Variants in RABEP1 observed in about 807,000 individuals in gnomAD.
RABEP1 encodes the protein rabaptin, RAB GTPase binding effector protein 1.
A neutral mutation model predicts 123.4 loss-of-function variants in RABEP1; 51 were observed. The ratio of observed to expected loss-of-function variants is 0.41; its 90% CI spans 0.33 to 0.52. RABEP1 has a LOEUF of 0.52. Among genes scored for constraint, RABEP1 ranks in the 20% least tolerant of loss-of-function variants. RABEP1 has a pLI of 0.16. For missense variants in RABEP1, 888 were observed against 996.3 expected, an observed-to-expected ratio of 0.89 and a Z score of 1.46; for synonymous variants, 347 against 355.2, an observed-to-expected ratio of 0.98 and a Z score of 0.26.
intron 2 of RABEP1, among the ~76,000 whole-genome samples, chr17:5,329,827 A>G (rs1308595592): frequency 1.9e-5 from 1 of 52,132 alleles, no homozygotes; most frequent in African/African-American, 8.6e-5. Flanking sequence ...TCATATATAT[A>G]TATATATATA....
At chr17:5,377,520 A>ATTTTTTTTTTTTTTTTTTTTTTTTTTT (rs960634048) in intron 14 of RABEP1, among the ~76,000 whole-genome samples, 2 of 99,822 alleles carry the variant, frequency 2.0e-5, no homozygotes, top group Non-Finnish European at 1.9e-5. Flanking sequence ...TATTTAAAAA[A>ATTTTTTTTTTTTTTTTTTTTTTTTTTT]TTTTTTTTTT....
At chr17:5,344,007 C>G (rs1907851031) in intron 5 of RABEP1, among the ~76,000 whole-genome samples, 1 of 151,946 alleles carries the variant, frequency 6.6e-6, no homozygotes, top group Non-Finnish European at 1.5e-5. Flanking sequence ...AAAATATTGA[C>G]TGTGAAAGGA....
At chr17:5,347,632 G>T (rs1908181489) in intron 6 of RABEP1, among the ~76,000 whole-genome samples, 7 of 152,084 alleles carry the variant, frequency 4.6e-5, no homozygotes. Context: ...GGACAATTTT[G>T]ATTTCACTAG....
rs1911929580 is a variant in RABEP1, at chr17:5,386,036, TAAATA to T, written c.*2817_*2821del. ...GAGTTATAAAGCACATTCCAAATTT[TAAATA>T]AAAGCATTTACTCAATTATTATAAA... is the stretch of plus-strand genomic sequence containing the variant. On this transcript the variant is annotated 3_prime_UTR_variant, in exon 18 of 18. Coordinates refer to ENST00000537505, the MANE Select transcript of RABEP1 (RefSeq NM_004703.6). The T allele has an allele frequency of 1.8e-6, 1 of 560,756 alleles. No homozygotes were observed. Among genetic ancestry groups the T allele is most frequent in the South Asian group, 2.7e-5 (1 of 36,432 alleles). 34.7% of individuals were successfully genotyped at this position (560,756 alleles called of 1,614,324 possible). A position where few individuals can be genotyped will look rare whatever the true frequency, so the allele number is the denominator to read the frequency against.
intron 1 of RABEP1, among the ~76,000 whole-genome samples, chr17:5,295,365 G>A (rs567451465): frequency 6.2e-4 from 94 of 150,408 alleles, no homozygotes; most frequent in African/African-American, 2.2e-3. Flanking sequence ...CTCCAGCCTG[G>A]GCAACAGAGG....
intron 2 of RABEP1, among the ~76,000 whole-genome samples, chr17:5,317,099 T>C (rs894280722): frequency 6.6e-6 from 1 of 152,044 alleles, no homozygotes; most frequent in Non-Finnish European, 1.5e-5. Context: ...TCCCCACTTA[T>C]TCTTTGAGGC....
intron 11 of RABEP1, among the ~76,000 whole-genome samples, chr17:5,367,645 C>T (rs769033731): frequency 6.6e-5 from 10 of 151,188 alleles, no homozygotes; most frequent in Admixed American, 2.0e-4. Context: ...CACCTTTCCC[C>T]CATTGCTCTG....
At position 5,361,634 on chromosome 17, in the gene RABEP1, C is replaced by A; in HGVS notation, c.1522C>A (p.Arg508Ser). Residue 508 changes from arginine (R) to serine (S), a missense_variant, in exon 9 of 18, where the codon CGT (arginine) becomes AGT (serine). Transcript: ENST00000537505. ...ESAYVSPSGY[R>S]LVSETEWNLL... Reference sequence around the variant, plus strand: ...TGCCTATGTGTCCCCTAGTGGTTATCGTTTAGTTAGTGAAACAGAATGGAA... The same window carrying A: ...TGCCTATGTGTCCCCTAGTGGTTATAGTTTAGTTAGTGAAACAGAATGGAA... 6.2e-7 allele frequency: 1 copy of A among 1,609,756 alleles called. No individual in the cohort carries two copies. The highest frequency in any genetic ancestry group is 8.5e-7 in the Non-Finnish European group (1 of 1,178,776).
Position 5,377,103 on chromosome 17 carries a change from T to C in RABEP1, c.2026-13T>C, listed in dbSNP as rs1006957756. The C allele has an allele frequency of 1.9e-6, 3 of 1,582,084 alleles. No individual in the cohort carries two copies. In the African/African-American group the frequency reaches 4.1e-5, roughly 22 times the overall value. On this transcript the variant is annotated splice_polypyrimidine_tract_variant and intron_variant, in intron 13 of 17. Coordinates refer to ENST00000537505, the MANE Select transcript of RABEP1 (RefSeq NM_004703.6). ...TCTCACAAACCCAATAATCATTTGT[T>C]TCTTGAATCCAGGCACTGCGGGAGT...
At chr17:5,359,933 C>T (rs185548070) in intron 8 of RABEP1, among the ~76,000 whole-genome samples, 178 of 152,278 alleles carry the variant, frequency 1.2e-3, no homozygotes, top group African/African-American at 3.9e-3. Context: ...TTTTTGCCTT[C>T]AGGAATGTGC....
At position 5,368,167 on chromosome 17, in the gene RABEP1, C is replaced by T. The variant is rs899644992; in HGVS notation, c.1786-203C>T. ...TGTTAATGTATGGCTGCATGTGACTCGGGTTTTGGCACTGCCTTGTGTTAT... is the reference window on the plus strand; with the variant it reads ...TGTTAATGTATGGCTGCATGTGACTTGGGTTTTGGCACTGCCTTGTGTTAT... On this transcript the variant is annotated intron_variant, in intron 11 of 17. Coordinates refer to ENST00000537505, the MANE Select transcript of RABEP1 (RefSeq NM_004703.6). 5.9e-5 allele frequency among the ~76,000 whole-genome samples: 9 copies of T among 152,084 alleles called. No homozygotes were observed. The East Asian group carries it at 7.7e-4, about 13-fold the overall frequency.
At chr17:5,300,758 C>G (rs760789183) in intron 1 of RABEP1, among the ~76,000 whole-genome samples, 2 of 152,146 alleles carry the variant, frequency 1.3e-5, no homozygotes, top group Non-Finnish European at 2.9e-5. Context: ...ATGTTTTGCC[C>G]AAGCTTCTTG....
At chr17:5,380,312 A>G (rs1045429289) in intron 15 of RABEP1, 52 bp from the exon 16 acceptor site, 103 of 1,283,840 alleles carry the variant, frequency 8.0e-5, no homozygotes, top group Middle Eastern at 1.9e-4. Flanking sequence ...TAGGTAGTGC[A>G]CTGGGGCCCA....
At chr17:5,344,762 A>G (rs1907922233) in intron 5 of RABEP1, among the ~76,000 whole-genome samples, 1 of 132,218 alleles carries the variant, frequency 7.6e-6, no homozygotes, top group South Asian at 2.6e-4. Context: ...ACAGAGCAAG[A>G]CACTGTCTCA....
At chr17:5,296,476 G>T (rs1250767669) in intron 1 of RABEP1, among the ~76,000 whole-genome samples, 1 of 152,118 alleles carries the variant, frequency 6.6e-6, no homozygotes, top group Non-Finnish European at 1.5e-5. Context: ...GATGAGGCCG[G>T]TCTCAAACTC....
intron 3 of RABEP1, among the ~76,000 whole-genome samples, chr17:5,332,582 C>T (rs1482683261): frequency 2.0e-5 from 3 of 149,478 alleles, no homozygotes; most frequent in Non-Finnish European, 3.0e-5. Context: ...TGTAGTTTGG[C>T]CATACGTTTT....
At chr17:5,360,954 ACTTAT>A (rs1909465264) in intron 8 of RABEP1, 1 of 477,802 alleles carries the variant, frequency 2.1e-6, no homozygotes, top group Non-Finnish European at 3.8e-6. Context: ...CAGTCTGCTT[ACTTAT>A]CTTTTTTTTT....
chr17:5,334,138 A>G (rs946439309), intron 3 of RABEP1, among the ~76,000 whole-genome samples: 4 of 151,424 alleles, frequency 2.6e-5, no homozygotes, highest in South Asian at 2.1e-4. Context: ...GGTTCAGGCA[A>G]TTTTCGTGCC....
intron 1 of RABEP1, among the ~76,000 whole-genome samples, chr17:5,293,243 C>T (rs1459713743): frequency 6.6e-6 from 1 of 152,002 alleles, no homozygotes; most frequent in Non-Finnish European, 1.5e-5. Flanking sequence ...GCCGAGATTG[C>T]ACCATTGCAC....
Sources: gnomAD v4.1 joint callset for allele counts (sites outside exome capture counted in the v4.1 genomes callset) on GRCh38, gnomAD v4.1.1 for gene constraint, MANE v1.5 for transcripts, NCBI Gene and HGNC (gene_info 2026-07-23, HGNC 2026-07-21) for gene names.